FGF14: variants seen among roughly 807,000 people sequenced by gnomAD.
The protein encoded by FGF14 is fibroblast growth factor 14.
FGF14 carries 5 observed loss-of-function variants against 25.5 expected under a neutral mutation model. That is an observed-to-expected ratio of 0.20 (90% CI 0.10 to 0.41). The LOEUF is 0.41. Among genes scored for constraint, FGF14 ranks in the 10% least tolerant of loss-of-function variants. FGF14 has a pLI of 1.00. For synonymous variants in FGF14, 138 were observed against 118.3 expected (o/e 1.17, Z -1.08); for missense variants, 222 against 320.1 (o/e 0.69, Z 2.34).
rs1448624110 is a variant in FGF14, at chr13:101,718,495, G to A, written c.*4336C>T. On this transcript the variant is annotated 3_prime_UTR_variant, in exon 5 of 5. Transcript: ENST00000376143. ...TCCTGTTTTTAGGAAGTTGCAGTGG[G>A]ATTAATGTCAATTGGAAGGGATGCA... is the stretch of plus-strand genomic sequence containing the variant. 6.6e-6 allele frequency: 1 copy of A among 152,074 alleles called. No individual in the cohort carries two copies. Among genetic ancestry groups the A allele is most frequent in the East Asian group, 1.9e-4 (1 of 5,172 alleles). The allele number at this position is 152,074 out of a possible 1,614,324, so 9.4% of individuals were successfully genotyped here. A position where few individuals can be genotyped will look rare whatever the true frequency, so the allele number is the denominator to read the frequency against.
intron 1 of FGF14, among the ~76,000 whole-genome samples, chr13:101,938,576 T>C (rs1030286727): frequency 1.3e-5 from 2 of 152,202 alleles, no homozygotes; most frequent in Non-Finnish European, 2.9e-5. Context: ...TGTAGAAAAT[T>C]AGTATTTATT....
Position 101,916,790 on chromosome 13 carries a change from G to A in FGF14, c.-145C>T, listed in dbSNP as rs2033556312. On this transcript the variant is annotated 5_prime_UTR_variant, in exon 1 of 5. Transcript: ENST00000376143. ...AGGCGGGACTGGGGAGAGGGGAAGG[G>A]GGGCTCAGTCCTGACCGGGACCCAT... The A allele has an allele frequency of 1.4e-6, 1 of 718,162 alleles. No individual in the cohort carries two copies. Among genetic ancestry groups the A allele is most frequent in the Non-Finnish European group, 2.2e-6 (1 of 453,038 alleles). The allele number at this position is 718,162 out of a possible 1,614,324, so 44.5% of individuals were successfully genotyped here.
At chr13:102,041,259 C>A (rs959809579) in intron 1 of FGF14, among the ~76,000 whole-genome samples, 1 of 151,848 alleles carries the variant, frequency 6.6e-6, no homozygotes, top group African/African-American at 2.4e-5. Flanking sequence ...TATAAATGAT[C>A]AAGTTTGACT....
chr13:102,025,960 T>C (rs548649776), intron 1 of FGF14, among the ~76,000 whole-genome samples: 1 of 152,094 alleles, frequency 6.6e-6, no homozygotes, highest in East Asian at 1.9e-4. Context: ...GTAAATAGAG[T>C]TAATTTTACT....
intron 1 of FGF14, among the ~76,000 whole-genome samples, chr13:102,237,405 A>G (rs2051377214): frequency 6.6e-6 from 1 of 152,176 alleles, no homozygotes; most frequent in Admixed American, 6.5e-5. Flanking sequence ...CTGGAAGAGA[A>G]TAAATCCCTG....
At chr13:102,228,951 T>G (rs766840692) in intron 1 of FGF14, among the ~76,000 whole-genome samples, 53 of 152,360 alleles carry the variant, frequency 3.5e-4, no homozygotes, top group South Asian at 1.0e-3. Flanking sequence ...GACTACTGAA[T>G]GTTGTCTTCT....
chr13:102,089,747 A>G (rs986896898), intron 1 of FGF14, among the ~76,000 whole-genome samples: 3 of 152,232 alleles, frequency 2.0e-5, no homozygotes, highest in Non-Finnish European at 2.9e-5. Flanking sequence ...ATAGAAATTG[A>G]AAAGAATCAT....
chr13:101,897,698 A>G (rs1237355681), intron 1 of FGF14, among the ~76,000 whole-genome samples: 1 of 152,168 alleles, frequency 6.6e-6, no homozygotes, highest in Non-Finnish European at 1.5e-5. Flanking sequence ...CAGGAAATAA[A>G]CTTGGAAAGT....
At chr13:102,213,759 C>G (rs895211041) in intron 1 of FGF14, among the ~76,000 whole-genome samples, 12 of 152,260 alleles carry the variant, frequency 7.9e-5, no homozygotes, top group African/African-American at 2.9e-4. Flanking sequence ...TGCCAACAGC[C>G]AAGCCAAGTG....
At chr13:102,048,323 T>C (rs550484807) in intron 1 of FGF14, among the ~76,000 whole-genome samples, 2 of 152,324 alleles carry the variant, frequency 1.3e-5, no homozygotes, top group African/African-American at 2.4e-5. Context: ...CTGTACTGCA[T>C]GGTTGCTGTG....
At chr13:102,036,456 G>C (rs1401288811) in intron 1 of FGF14, among the ~76,000 whole-genome samples, 1 of 152,076 alleles carries the variant, frequency 6.6e-6, no homozygotes, top group African/African-American at 2.4e-5. Flanking sequence ...AGCCACTCGA[G>C]GGTGCTCCTG....
At position 101,714,255 on chromosome 13, in the gene FGF14, C is replaced by T. The variant is rs2034612851; in HGVS notation, c.*8576G>A. 1 of 592,916 alleles carries T rather than the reference C, an allele frequency of 1.7e-6. No homozygotes were observed. The highest frequency in any genetic ancestry group is 2.1e-5 in the South Asian group (1 of 48,128). 36.7% of individuals were successfully genotyped at this position (592,916 alleles called of 1,614,324 possible). A position where few individuals can be genotyped will look rare whatever the true frequency, so the allele number is the denominator to read the frequency against. ...GTCTAGATCCATAATGAAGGCTTTC[C>T]TGGGTGACCTTTATGAATTACAGTA... On this transcript the variant is annotated 3_prime_UTR_variant, in exon 5 of 5. Coordinates refer to ENST00000376143, the MANE Select transcript of FGF14 (RefSeq NM_004115.4).
At chr13:102,097,565 A>G (rs1018638103) in intron 1 of FGF14, among the ~76,000 whole-genome samples, 1 of 152,170 alleles carries the variant, frequency 6.6e-6, no homozygotes, top group African/African-American at 2.4e-5. Context: ...CCAAGTGATT[A>G]AAGAGTCCAA....
chr13:102,188,579 A>T (rs2048964208), intron 1 of FGF14, among the ~76,000 whole-genome samples: 1 of 152,186 alleles, frequency 6.6e-6, no homozygotes, highest in Non-Finnish European at 1.5e-5. Context: ...GCTAGTGCTA[A>T]GTAAAGGCTA....
chr13:101,878,998 C>T (rs1208703056), intron 1 of FGF14, among the ~76,000 whole-genome samples: 2 of 152,044 alleles, frequency 1.3e-5, no homozygotes, highest in African/African-American at 4.8e-5. Flanking sequence ...TCTTACAATA[C>T]AGATTCCCAA....
rs949162974 is a variant in FGF14, at chr13:101,828,165, C to T, written c.408+40560G>A. The stretch of plus-strand genomic sequence containing the variant: ...GTTCTGACTCTTTTAAAAAGAACAA[C>T]AGCCACGAATAGATGATTTGCAGTT... On this transcript the variant is annotated intron_variant, in intron 3 of 4. Coordinates refer to ENST00000376143, the MANE Select transcript of FGF14 (RefSeq NM_004115.4). Among the ~76,000 whole-genome samples the T allele has an allele frequency of 6.6e-5, 10 of 152,084 alleles. No individual in the cohort carries two copies. In the East Asian group the frequency reaches 1.9e-3, roughly 29 times the overall value.
At chr13:102,036,459 T>TG (rs2041478318) in intron 1 of FGF14, among the ~76,000 whole-genome samples, 1 of 152,184 alleles carries the variant, frequency 6.6e-6, no homozygotes, top group East Asian at 1.9e-4. Flanking sequence ...CACTCGAGGG[T>TG]GCTCCTGAAA....
In FGF14 at chr13:101,962,476, T is replaced by C. The variant is rs141191263; in HGVS notation, c.209-87180A>G. ...TAATATTAGGAAATGTAAACTGAAT[T>C]AATAGGTCCTAATAACCCATAGAAT... On this transcript the variant is annotated intron_variant, in intron 1 of 4. Coordinates refer to the FGF14 transcript ENST00000376131. 1.9e-4 allele frequency among the ~76,000 whole-genome samples: 29 copies of C among 152,274 alleles called. No homozygotes were observed. In the East Asian group the frequency reaches 5.2e-3, roughly 27 times the overall value.
intron 1 of FGF14, among the ~76,000 whole-genome samples, chr13:102,004,891 C>T (rs964665162): frequency 9.2e-5 from 14 of 152,114 alleles, no homozygotes; most frequent in African/African-American, 2.2e-4. Flanking sequence ...GATGTGTTTG[C>T]GTCCCCTTCT....
Sources: gnomAD v4.1 joint callset for allele counts (sites outside exome capture counted in the v4.1 genomes callset) on GRCh38, gnomAD v4.1.1 for gene constraint, MANE v1.5 for transcripts, NCBI Gene and HGNC (gene_info 2026-07-23, HGNC 2026-07-21) for gene names.